BRINP3: variants seen among roughly 807,000 people sequenced by gnomAD.
BRINP3 encodes BMP/retinoic acid inducible neural specific 3.
In BRINP3, 19 loss-of-function variants were observed where a neutral mutation model predicts 71.0. That is an observed-to-expected ratio of 0.27 (90% confidence interval 0.19 to 0.39). The LOEUF (loss-of-function observed/expected upper bound fraction) is 0.39, where lower values mean the gene tolerates loss of function less well. Among genes scored for constraint, BRINP3 ranks in the 10% least tolerant of loss-of-function variants. BRINP3 has a pLI of 1.00. For missense variants in BRINP3, 959 were observed against 940.8 expected, an observed-to-expected ratio of 1.02 and a Z score of -0.25; for synonymous variants, 380 against 337.7, an observed-to-expected ratio of 1.13 and a Z score of -1.37.
chr1:190,203,479 G>GTATA (rs557564894), intron 6 of BRINP3, among the ~76,000 whole-genome samples: 4 of 147,078 alleles, frequency 2.7e-5, no homozygotes, highest in African/African-American at 7.5e-5. Context: ...GTGTGTGTGT[G>GTATA]TATATATATA....
intron 2 of BRINP3, among the ~76,000 whole-genome samples, chr1:190,316,498 C>T (rs1489423382): frequency 6.6e-6 from 1 of 152,144 alleles, no homozygotes; most frequent in African/African-American, 2.4e-5. Flanking sequence ...TTCAAAGTAG[C>T]AGTGGGAATA....
intron 4 of BRINP3, 70 bp downstream of exon 4, chr1:190,264,794 TA>T: frequency 1.5e-6 from 2 of 1,305,982 alleles, no homozygotes; most frequent in South Asian, 1.4e-5. Flanking sequence ...AGCAAATACA[TA>T]AAAATGCCTT....
chr1:190,261,203 G>C (rs577468821), intron 4 of BRINP3, among the ~76,000 whole-genome samples: 1 of 151,636 alleles, frequency 6.6e-6, no homozygotes, highest in African/African-American at 2.4e-5. Context: ...TAGCATTAAC[G>C]TTTATTAGAC....
intron 4 of BRINP3, among the ~76,000 whole-genome samples, chr1:190,259,245 A>G (rs1455884675): frequency 6.6e-6 from 1 of 151,150 alleles, no homozygotes; most frequent in African/African-American, 2.4e-5. Context: ...TCCTCAGCAA[A>G]CTACTGGCAA....
intron 1 of BRINP3, among the ~76,000 whole-genome samples, chr1:190,456,719 T>C (rs79789022): frequency 0.015 from 2,277 of 152,162 alleles, 49 homozygotes; most frequent in African/African-American, 0.051. Context: ...ACACTATTTT[T>C]ATTTTGCTTA....
At chr1:190,299,414 TA>T (rs1664501465) in intron 2 of BRINP3, among the ~76,000 whole-genome samples, 1 of 151,298 alleles carries the variant, frequency 6.6e-6, no homozygotes, top group Non-Finnish European at 1.5e-5. Context: ...TTTTTTTTCC[TA>T]AAACATATAT....
intron 3 of BRINP3, among the ~76,000 whole-genome samples, chr1:190,265,871 G>GTA (rs1403643257): frequency 1.3e-5 from 2 of 152,232 alleles, no homozygotes; most frequent in South Asian, 2.1e-4. Flanking sequence ...ATACAGGTAT[G>GTA]TATATATATG....
chr1:190,180,628 G>T (rs756836631), intron 6 of BRINP3, among the ~76,000 whole-genome samples: 1 of 151,948 alleles, frequency 6.6e-6, no homozygotes, highest in Non-Finnish European at 1.5e-5. Flanking sequence ...ATGTTTAAAT[G>T]AATTGATAAA....
chr1:190,266,097 G>A (rs1488897518), intron 3 of BRINP3, among the ~76,000 whole-genome samples: 1 of 152,102 alleles, frequency 6.6e-6, no homozygotes, highest in Non-Finnish European at 1.5e-5. Flanking sequence ...GTGATCCTCC[G>A]ACAAACATAT....
At chr1:190,410,073 T>G (rs1392278182) in intron 2 of BRINP3, among the ~76,000 whole-genome samples, 1 of 152,160 alleles carries the variant, frequency 6.6e-6, no homozygotes, top group African/African-American at 2.4e-5. Context: ...TCTTTATTTA[T>G]CCTTTGCTCT....
intron 2 of BRINP3, among the ~76,000 whole-genome samples, chr1:190,420,109 C>A (rs1673275906): frequency 6.6e-6 from 1 of 151,948 alleles, no homozygotes; most frequent in African/African-American, 2.4e-5. Context: ...AAAACTAAAG[C>A]TATTCAAGAA....
At chr1:190,472,812 T>TAC (rs67049979) in intron 1 of BRINP3, among the ~76,000 whole-genome samples, 6,641 of 147,496 alleles carry the variant, frequency 0.045, 143 homozygotes, top group African/African-American at 0.052. Flanking sequence ...TGGTAGAAAT[T>TAC]ACACACACAC....
intron 7 of BRINP3, among the ~76,000 whole-genome samples, chr1:190,108,357 T>C (rs558439190): frequency 1.2e-4 from 18 of 152,002 alleles, no homozygotes; most frequent in Middle Eastern, 3.4e-3. Context: ...TGTGTGTGTG[T>C]GCGCACACGC....
chr1:190,334,387 A>AT (rs921810011), intron 2 of BRINP3, among the ~76,000 whole-genome samples: 36 of 151,866 alleles, frequency 2.4e-4, no homozygotes, highest in African/African-American at 8.2e-4. Context: ...ATATGTGTGA[A>AT]TTTTTTTAAA....
chr1:190,439,555 G>C (rs933185806), intron 2 of BRINP3, among the ~76,000 whole-genome samples: 3 of 151,836 alleles, frequency 2.0e-5, no homozygotes, highest in African/African-American at 7.2e-5. Context: ...ATGTGTATGG[G>C]TGTTTGAATG....
chr1:190,416,228 A>G (rs150530313), intron 2 of BRINP3, among the ~76,000 whole-genome samples: 28 of 152,306 alleles, frequency 1.8e-4, no homozygotes, highest in Admixed American at 4.6e-4. Context: ...TTAGGTAAAT[A>G]TTAATCATTA....
chr1:190,157,256 G>A (rs1656952321), intron 7 of BRINP3, among the ~76,000 whole-genome samples: 1 of 152,020 alleles, frequency 6.6e-6, no homozygotes, highest in Non-Finnish European at 1.5e-5. Context: ...CATCCACCAG[G>A]TTGAGGATGA....
chr1:190,303,862 T>C (rs1398863729), intron 2 of BRINP3, among the ~76,000 whole-genome samples: 3 of 151,620 alleles, frequency 2.0e-5, no homozygotes, highest in Non-Finnish European at 3.0e-5. Flanking sequence ...ATTTTTATTT[T>C]CCCCCTAGGT....
intron 1 of BRINP3, among the ~76,000 whole-genome samples, chr1:190,464,240 G>T (rs1453447608): frequency 6.6e-6 from 1 of 151,216 alleles, no homozygotes; most frequent in Non-Finnish European, 1.5e-5. Context: ...ATCTAATGAG[G>T]GGCTACAAAA....
Sources: gnomAD v4.1 joint callset for allele counts (sites outside exome capture counted in the v4.1 genomes callset) on GRCh38, gnomAD v4.1.1 for gene constraint, MANE v1.5 for transcripts, NCBI Gene and HGNC (gene_info 2026-07-23, HGNC 2026-07-21) for gene names.